PCGF3: variants seen among roughly 807,000 people sequenced by gnomAD.
The protein encoded by PCGF3 is polycomb group RING finger protein 3.
A neutral mutation model predicts 33.1 loss-of-function variants in PCGF3; 7 were observed. The ratio of observed to expected loss-of-function variants is 0.21; its 90% CI spans 0.12 to 0.40. The LOEUF (loss-of-function observed/expected upper bound fraction) is 0.40, where lower values mean the gene tolerates loss of function less well. PCGF3 is among the 10% of genes least tolerant of loss of function. The probability of loss-of-function intolerance (pLI) is 1.00; values close to 1 mark genes in which losing one functional copy is unlikely to be tolerated. For synonymous variants in PCGF3, 153 were observed against 121.3 expected (o/e 1.26, Z -1.72); for missense variants, 211 against 313.3 (o/e 0.67, Z 2.46).
At chr4:756,830 G>C (rs113438331) in intron 8 of PCGF3, among the ~76,000 whole-genome samples, 1 of 152,084 alleles carries the variant, frequency 6.6e-6, no homozygotes, top group Non-Finnish European at 1.5e-5. Flanking sequence ...GGGGCCTGCC[G>C]GGGGCTCTGA....
chr4:741,596 C>T (rs1560208834), intron 6 of PCGF3, among the ~76,000 whole-genome samples: 1 of 151,880 alleles, frequency 6.6e-6, no homozygotes, highest in African/African-American at 2.4e-5. Context: ...TTAGTAGAGA[C>T]GGGGGTTTCA....
At position 717,591 on chromosome 4, in the gene PCGF3, G is replaced by A. The variant is rs1175186389; in HGVS notation, c.-190+11621G>A. ...GACGGGGTTTCACTGTATTGGCCAA[G>A]CTGCTCTCAAGCCCCTGACCTCGTG... On this transcript the variant is annotated intron_variant, in intron 1 of 10. Coordinates refer to ENST00000362003, the Ensembl canonical transcript of PCGF3. Among the ~76,000 whole-genome samples the A allele has an allele frequency of 4.6e-5, 7 of 152,310 alleles. No individual in the cohort carries two copies. In the East Asian group the frequency reaches 1.3e-3, roughly 29 times the overall value.
intron 9 of PCGF3, chr4:761,767 C>T (rs1745072455): frequency 1.0e-6 from 1 of 985,420 alleles, no homozygotes; most frequent in Non-Finnish European, 1.2e-6. Flanking sequence ...AGGACCCTTC[C>T]AGGCTGTGGT....
exon 8 of PCGF3, chr4:744,650 C>A: frequency 6.4e-7 from 1 of 1,561,390 alleles, no homozygotes; most frequent in Non-Finnish European, 8.7e-7. Flanking sequence ...GGAGGAGAAG[C>A]CGGAGGAGGA....
At chr4:741,005 A>G (rs1387931260) in intron 6 of PCGF3, among the ~76,000 whole-genome samples, 1 of 152,258 alleles carries the variant, frequency 6.6e-6, no homozygotes, top group Non-Finnish European at 1.5e-5. Flanking sequence ...TCGAAGCCGC[A>G]GTGAACTCTG....
At chr4:743,690 G>C in intron 7 of PCGF3, 106 bp downstream of exon 7, 1 of 675,368 alleles carries the variant, frequency 1.5e-6, no homozygotes. Flanking sequence ...GCACTCACGG[G>C]AGAACGTGGG....
intron 1 of PCGF3, among the ~76,000 whole-genome samples, chr4:719,640 G>A (rs1742995623): frequency 6.6e-6 from 1 of 152,284 alleles, no homozygotes; most frequent in Non-Finnish European, 1.5e-5. Flanking sequence ...GGGATGGTGT[G>A]TGAGTTTGGC....
At chr4:742,174 C>T (rs1358146909) in intron 6 of PCGF3, among the ~76,000 whole-genome samples, 5 of 149,564 alleles carry the variant, frequency 3.3e-5, no homozygotes, top group African/African-American at 7.4e-5. Flanking sequence ...CCCAGGCTCT[C>T]GGGGTCCCCT....
chr4:762,064 G>A (rs1560219574), intron 9 of PCGF3: 1 of 985,252 alleles, frequency 1.0e-6, no homozygotes, highest in Non-Finnish European at 1.2e-6. Context: ...GGTCAGGGTG[G>A]AGAAGTGGAC....
intron 1 of PCGF3, among the ~76,000 whole-genome samples, chr4:729,099 C>CA (rs34927260): frequency 0.013 from 532 of 40,246 alleles, 46 homozygotes; most frequent in Middle Eastern, 0.024. Context: ...GACTCCATCT[C>CA]AAAAAAAAAA....
At chr4:723,769 G>T (rs1395490459) in intron 1 of PCGF3, 2 of 152,320 alleles carry the variant, frequency 1.3e-5, no homozygotes, top group Non-Finnish European at 2.9e-5. Context: ...GCCTCTGTGA[G>T]GCCAGGAGGG....
In PCGF3 at chr4:727,304, G is replaced by A. The variant is rs964090579; in HGVS notation, c.-189-3326G>A. The stretch of plus-strand genomic sequence containing the variant: ...TTCCCCAGGCTGGAGTGCAAGGCGC[G>A]ATCTCGGCTCACTGCAACCTCCGCC... On this transcript the variant is annotated intron_variant, in intron 1 of 10. Coordinates refer to ENST00000362003, the Ensembl canonical transcript of PCGF3. Among the ~76,000 whole-genome samples the A allele has an allele frequency of 9.9e-5, 14 of 141,884 alleles. No homozygotes were observed. In the East Asian group the frequency reaches 3.1e-3, roughly 31 times the overall value. The allele number at this position is 141,884 out of a possible 152,430, so 93.1% of individuals were successfully genotyped here.
intron 8 of PCGF3, among the ~76,000 whole-genome samples, chr4:760,795 T>C (rs1163267556): frequency 6.6e-6 from 1 of 152,236 alleles, no homozygotes; most frequent in African/African-American, 2.4e-5. Context: ...ACAGTCACTT[T>C]TTATCCTGCG....
chr4:755,468 G>T (rs189604623), intron 8 of PCGF3, among the ~76,000 whole-genome samples: 4 of 152,122 alleles, frequency 2.6e-5, no homozygotes, highest in Admixed American at 2.0e-4. Context: ...GCCGCCCCAC[G>T]CTCACTGCAG....
exon 11 of PCGF3, chr4:768,836 G>A (rs759111142): frequency 6.6e-6 from 1 of 152,590 alleles, no homozygotes; most frequent in Admixed American, 6.5e-5. Flanking sequence ...TTTACTTTGA[G>A]TAGCTTTTAA....
chr4:718,162 G>A (rs370925786), intron 1 of PCGF3, among the ~76,000 whole-genome samples: 2 of 152,176 alleles, frequency 1.3e-5, no homozygotes, highest in South Asian at 4.1e-4. Flanking sequence ...CGTGCCGGCC[G>A]CCCACTGACG....
chr4:706,420 T>C (rs904899088), intron 1 of PCGF3, among the ~76,000 whole-genome samples: 24 of 83,172 alleles, frequency 2.9e-4, no homozygotes, highest in African/African-American at 6.9e-4. Flanking sequence ...CAGGCAGGAC[T>C]CCGGGAGGTC....
At chr4:716,891 CT>C (rs1272907952) in intron 1 of PCGF3, among the ~76,000 whole-genome samples, 2 of 145,954 alleles carry the variant, frequency 1.4e-5, no homozygotes, top group African/African-American at 2.6e-5. Context: ...TGCTGGGCCC[CT>C]GTGGACACTG....
chr4:743,005 T>TG (rs1464880984), intron 6 of PCGF3, among the ~76,000 whole-genome samples: 1 of 152,104 alleles, frequency 6.6e-6, no homozygotes, highest in Non-Finnish European at 1.5e-5. Context: ...CGCAGGAGCG[T>TG]GGGGGGAACC....
Sources: allele counts gnomAD v4.1 joint callset (sites outside exome capture counted in the v4.1 genomes callset), GRCh38; gene constraint gnomAD v4.1.1; transcripts MANE v1.5; gene names NCBI Gene and HGNC (gene_info 2026-07-23, HGNC 2026-07-21).